The following SLC27A2 variants were observed in gnomAD, a reference collection of about 807,000 sequenced individuals.
SLC27A2 encodes the protein solute carrier family 27 member 2, also known as long-chain fatty acid transport protein 2.
In SLC27A2, 54 loss-of-function variants were observed where a neutral mutation model predicts 60.0. The observed-to-expected ratio is 0.90, with a 90% CI of 0.72 to 1.13. SLC27A2 has a LOEUF of 1.13. Ranked by LOEUF, SLC27A2 falls within the 50% of genes most tolerant of loss-of-function variation. The pLI is 0.00. For missense variants in SLC27A2, 739 were observed against 777.6 expected, an observed-to-expected ratio of 0.95 and a Z score of 0.59; for synonymous variants, 297 against 297.6, an observed-to-expected ratio of 1.00 and a Z score of 0.02.
Position 50,236,224 on chromosome 15 carries a change from G to T in SLC27A2, c.*128G>T. 1 of 671,644 alleles carries T rather than the reference G, an allele frequency of 1.5e-6. No homozygotes were observed. Among genetic ancestry groups the T allele is most frequent in the Non-Finnish European group, 2.3e-6 (1 of 428,930 alleles). 41.6% of individuals were successfully genotyped at this position (671,644 alleles called of 1,614,324 possible). A position where few individuals can be genotyped will look rare whatever the true frequency, so the allele number is the denominator to read the frequency against. On this transcript the variant is annotated 3_prime_UTR_variant, in exon 10 of 10. Coordinates refer to ENST00000267842, the MANE Select transcript of SLC27A2 (RefSeq NM_003645.4). ...GTAGGAAATTTGCATACCCGTAAAGGGAGACTTTTTTAAATAACAGTTGAG... is the reference window on the plus strand; with the variant it reads ...GTAGGAAATTTGCATACCCGTAAAGTGAGACTTTTTTAAATAACAGTTGAG...
Position 50,198,844 on chromosome 15 carries a change from G to A in SLC27A2, c.688+1135G>A, listed in dbSNP as rs2045043700. Among the ~76,000 whole-genome samples the A allele has an allele frequency of 2.6e-5, 4 of 152,200 alleles. No individual in the cohort carries two copies. In the South Asian group the frequency reaches 8.3e-4, roughly 32 times the overall value. Reference sequence around the variant, plus strand: ...CCTTGAGCCTTTTATCTCAGCTGCAGCTGACAGGAACTGTCTCCTTCACCT... The same window carrying A: ...CCTTGAGCCTTTTATCTCAGCTGCAACTGACAGGAACTGTCTCCTTCACCT... On this transcript the variant is annotated intron_variant, in intron 2 of 9. Coordinates refer to ENST00000267842, the MANE Select transcript of SLC27A2 (RefSeq NM_003645.4).
At position 50,229,015 on chromosome 15, in the gene SLC27A2, G is replaced by A. The variant is rs767447621; in HGVS notation, c.1528G>A (p.Val510Ile). Residue 510 changes from valine (V) to isoleucine (I), a missense_variant, in exon 8 of 10, where the codon GTA becomes ATA. Physicochemically the swap from Val to Ile is conservative, Grantham distance 29 (BLOSUM62 3). Transcript: ENST00000267842. Reference sequence around the variant, plus strand: ...TGGACTGGTTGATTTTGTCCAAGAAGTAAATGTTTATGGAGTGCATGTGCC... The same window carrying A: ...TGGACTGGTTGATTTTGTCCAAGAAATAAATGTTTATGGAGTGCATGTGCC... ...TVGLVDFVQE[V>I]NVYGVHVPDH... 9 of 1,613,200 alleles carry A rather than the reference G, an allele frequency of 5.6e-6. No homozygotes were observed. The South Asian group carries it at 8.8e-5, about 16-fold the overall frequency.
At chr15:50,197,186 A>C (rs906408597) in intron 1 of SLC27A2, among the ~76,000 whole-genome samples, 1 of 151,854 alleles carries the variant, frequency 6.6e-6, no homozygotes, top group African/African-American at 2.4e-5. Context: ...TTTCAAATGT[A>C]GTAAATTTCA....
intron 8 of SLC27A2, among the ~76,000 whole-genome samples, chr15:50,232,611 C>A (rs949345893): frequency 2.6e-5 from 4 of 152,112 alleles, no homozygotes; most frequent in Admixed American, 6.5e-5. Flanking sequence ...ACCTGACAGG[C>A]CCATTTGCCC....
At chr15:50,217,214 C>T (rs2045205065) in intron 4 of SLC27A2, among the ~76,000 whole-genome samples, 1 of 151,914 alleles carries the variant, frequency 6.6e-6, no homozygotes, top group Admixed American at 6.6e-5. Flanking sequence ...CTCATGTAAC[C>T]AAATACCATC....
intron 4 of SLC27A2, among the ~76,000 whole-genome samples, chr15:50,210,607 G>A (rs1184956789): frequency 6.6e-6 from 1 of 152,172 alleles, no homozygotes; most frequent in Non-Finnish European, 1.5e-5. Context: ...GCTAAACTTT[G>A]GGATAATTTG....
At chr15:50,182,963 G>C (rs1350989417) in intron 1 of SLC27A2, 58 bp downstream of exon 1, 3 of 1,521,892 alleles carry the variant, frequency 2.0e-6, no homozygotes, top group Non-Finnish European at 2.7e-6. Flanking sequence ...CTTGACTGAC[G>C]AGCCACAGCG....
chr15:50,220,599 G>T (rs1432044412), intron 4 of SLC27A2, among the ~76,000 whole-genome samples: 1 of 152,180 alleles, frequency 6.6e-6, no homozygotes, highest in Non-Finnish European at 1.5e-5. Context: ...CCCAGCTCAG[G>T]TGATCTTCTT....
At position 50,191,009 on chromosome 15, in the gene SLC27A2, G is replaced by A. The variant is rs538300865; in HGVS notation, c.479-6491G>A. 2.0e-5 allele frequency: 3 copies of A among 152,340 alleles called. No individual in the cohort carries two copies. The East Asian group carries it at 5.8e-4, about 29-fold the overall frequency. 9.4% of individuals were successfully genotyped at this position (152,340 alleles called of 1,614,324 possible). A position where few individuals can be genotyped will look rare whatever the true frequency, so the allele number is the denominator to read the frequency against. ...TTCCAAGAAATAAGGCACTTTGCTA[G>A]AACTTAATCTGAATGGCTCATACAA... On this transcript the variant is annotated intron_variant, in intron 1 of 9. Transcript: ENST00000267842.
intron 1 of SLC27A2, among the ~76,000 whole-genome samples, chr15:50,192,374 A>G (rs1349000083): frequency 3.9e-5 from 6 of 152,234 alleles, no homozygotes; most frequent in Non-Finnish European, 7.3e-5. Flanking sequence ...GATGACTTGC[A>G]TAAAAGGTCA....
chr15:50,185,172 A>G (rs2044910700), intron 1 of SLC27A2, among the ~76,000 whole-genome samples: 1 of 152,192 alleles, frequency 6.6e-6, no homozygotes, highest in Non-Finnish European at 1.5e-5. Flanking sequence ...ATTCTGCAAT[A>G]AAGTCAGAAT....
chr15:50,235,285 G>GA (rs1414633666), intron 9 of SLC27A2, among the ~76,000 whole-genome samples: 1 of 152,104 alleles, frequency 6.6e-6, no homozygotes, highest in Non-Finnish European at 1.5e-5. Context: ...ATAATTGAAG[G>GA]AAAAATCAGT....
chr15:50,229,478 C>T (rs564311790), intron 8 of SLC27A2, among the ~76,000 whole-genome samples: 68 of 152,322 alleles, frequency 4.5e-4, no homozygotes, highest in Admixed American at 3.5e-3. Flanking sequence ...AAGCCCAGTT[C>T]ACCACACTAA....
chr15:50,182,756 T>G lies in SLC27A2; in HGVS notation c.329T>G (p.Leu110Arg). 1 of 1,613,894 alleles carries G rather than the reference T, an allele frequency of 6.2e-7. No homozygotes were observed. The highest frequency in any genetic ancestry group is 1.3e-5 in the African/African-American group (1 of 75,060). The change falls in exon 1 of 10, where the codon CTT becomes CGT. Residue 110 changes from leucine to arginine, a missense_variant. Leu to Arg is a moderately radical substitution (Grantham distance 102). Transcript: ENST00000267842. The stretch of plus-strand genomic sequence containing the variant: ...CGCCAGGGAGACTGCGTGGCGCTCC[T>G]TATGGGTAACGAGCCGGCCTACGTG... ...GLRQGDCVALLMGNEPAYVWL... is the reference protein window; with the variant it reads ...GLRQGDCVALRMGNEPAYVWL...
At chr15:50,190,199 A>G (rs1187526519) in intron 1 of SLC27A2, among the ~76,000 whole-genome samples, 4 of 152,226 alleles carry the variant, frequency 2.6e-5, no homozygotes, top group East Asian at 1.9e-4. Flanking sequence ...ACAGTTACAA[A>G]TGGCATTTTA....
intron 1 of SLC27A2, among the ~76,000 whole-genome samples, chr15:50,188,982 A>AATAGACAG (rs777000769): frequency 2.2e-5 from 3 of 135,422 alleles, no homozygotes; most frequent in African/African-American, 5.9e-5. Context: ...TAGATAGATA[A>AATAGACAG]ATAGATAGAT....
chr15:50,184,505 A>G (rs1421424468), intron 1 of SLC27A2, among the ~76,000 whole-genome samples: 1 of 152,122 alleles, frequency 6.6e-6, no homozygotes, highest in Non-Finnish European at 1.5e-5. Flanking sequence ...AAATAATCCA[A>G]AAAATATAGG....
chr15:50,215,455 A>C (rs1280350925), intron 4 of SLC27A2, among the ~76,000 whole-genome samples: 3 of 147,426 alleles, frequency 2.0e-5, no homozygotes, highest in Non-Finnish European at 4.4e-5. Context: ...CAGAATTAGA[A>C]AAGAAAATTC....
intron 1 of SLC27A2, among the ~76,000 whole-genome samples, chr15:50,191,995 G>A (rs1160155569): frequency 1.3e-5 from 2 of 151,020 alleles, no homozygotes; most frequent in Non-Finnish European, 2.9e-5. Context: ...AGGAGGCAGA[G>A]ATTGCAGTGA....
Sources: allele counts gnomAD v4.1 joint callset (sites outside exome capture counted in the v4.1 genomes callset), GRCh38; gene constraint gnomAD v4.1.1; transcripts MANE v1.5; gene names NCBI Gene and HGNC (gene_info 2026-07-23, HGNC 2026-07-21).